FOXJ3: variants seen among roughly 807,000 people sequenced by gnomAD.
FOXJ3 encodes forkhead box protein J3.
Under a neutral mutation model 76.1 loss-of-function variants are expected in FOXJ3, and 22 were observed. The ratio of observed to expected loss-of-function variants is 0.29; its 90% confidence interval spans 0.21 to 0.41. FOXJ3 has a LOEUF of 0.41. FOXJ3 is among the 10% of genes least tolerant of loss of function. FOXJ3 has a pLI of 1.00. For missense variants in FOXJ3, 613 were observed against 762.1 expected (o/e 0.80, Z 2.30); for synonymous variants, 269 against 261.2 (o/e 1.03, Z -0.29).
At chr1:42,309,186 G>A (rs1654654766) in intron 2 of FOXJ3, among the ~76,000 whole-genome samples, 2 of 152,116 alleles carry the variant, frequency 1.3e-5, no homozygotes, top group South Asian at 4.1e-4. Flanking sequence ...TCATGGCTCT[G>A]GCAATTTTGT....
chr1:42,204,925 ATGTATG>A (rs1418045865), intron 6 of FOXJ3, among the ~76,000 whole-genome samples: 2 of 152,122 alleles, frequency 1.3e-5, no homozygotes, highest in Admixed American at 1.3e-4. Flanking sequence ...TAGTGCAATG[ATGTATG>A]TGTATGTGTT....
chr1:42,293,998 T>G (rs904575708), intron 2 of FOXJ3, among the ~76,000 whole-genome samples: 2 of 152,200 alleles, frequency 1.3e-5, no homozygotes, highest in Admixed American at 1.3e-4. Context: ...GTTGCTTTTG[T>G]GGACTCTTGA....
intron 1 of FOXJ3, among the ~76,000 whole-genome samples, chr1:42,318,108 TAC>T (rs969253899): frequency 2.6e-5 from 4 of 152,322 alleles, no homozygotes; most frequent in East Asian, 1.9e-4. Flanking sequence ...CTTTACTTAA[TAC>T]AGTCTTTTGT....
At chr1:42,298,558 T>G (rs1328611790) in intron 2 of FOXJ3, among the ~76,000 whole-genome samples, 1 of 152,130 alleles carries the variant, frequency 6.6e-6, no homozygotes, top group African/African-American at 2.4e-5. Flanking sequence ...CTTTTTTTTT[T>G]CTTGGTTAAC....
chr1:42,298,994 T>A (rs1305718735), intron 2 of FOXJ3, among the ~76,000 whole-genome samples: 1 of 152,204 alleles, frequency 6.6e-6, no homozygotes, highest in African/African-American at 2.4e-5. Context: ...TATTCCACTG[T>A]GCTCCAAAAA....
chr1:42,212,972 C>CAAA (rs34286246), intron 5 of FOXJ3, among the ~76,000 whole-genome samples: 1 of 122,992 alleles, frequency 8.1e-6, no homozygotes, highest in Non-Finnish European at 1.6e-5. Flanking sequence ...AAAAAAAAAA[C>CAAA]AAAAAAAAAA....
intron 4 of FOXJ3, among the ~76,000 whole-genome samples, chr1:42,250,798 CA>C (rs61431089): frequency 0.075 from 1,784 of 23,794 alleles, 4 homozygotes; most frequent in African/African-American, 0.12. Context: ...AACTCCATCT[CA>C]AAAAAAAAAA....
At chr1:42,306,527 C>T (rs2124746708) in intron 2 of FOXJ3, among the ~76,000 whole-genome samples, 1 of 152,152 alleles carries the variant, frequency 6.6e-6, no homozygotes. Flanking sequence ...TGGTCTCGAA[C>T]TCCTGACCTC....
Position 42,191,474 on chromosome 1 carries a change from G to T in FOXJ3, c.1180C>A (p.Pro394Thr). 1 of 1,613,718 alleles carries T rather than the reference G, an allele frequency of 6.2e-7. No homozygotes were observed. Among genetic ancestry groups the T allele is most frequent in the East Asian group, 2.2e-5 (1 of 44,876 alleles). The change falls in exon 9 of 13, where the codon CCG becomes ACG. Residue 394 changes from proline (P) to threonine (T), a missense_variant. Transcript: ENST00000361346. ...GGTGCTGGGTGTGGGGAACGCTGCG[G>T]ATGCTGCGGTAAACCATGCGGTCGA... is the stretch of plus-strand genomic sequence containing the variant. Reference protein sequence around the residue: ...PHRPHGLPQHPQRSPHPAPHP... With the variant: ...PHRPHGLPQHTQRSPHPAPHP...
chr1:42,280,304 G>C (rs7526659), intron 2 of FOXJ3: 724,512 of 981,184 alleles, frequency 0.74, 269,076 homozygotes, highest in Admixed American at 0.8. Context: ...CCAGTAAATT[G>C]AGTCCTCTTG....
chr1:42,183,276 G>A (rs1047553116), intron 11 of FOXJ3, among the ~76,000 whole-genome samples: 1 of 122,376 alleles, frequency 8.2e-6, no homozygotes, highest in Non-Finnish European at 1.7e-5. Context: ...AGAGGAGAGC[G>A]GAGAGGGTGG....
At chr1:42,276,731 A>G (rs1393334857) in intron 3 of FOXJ3, among the ~76,000 whole-genome samples, 1 of 152,224 alleles carries the variant, frequency 6.6e-6, no homozygotes, top group Non-Finnish European at 1.5e-5. Context: ...AAACTTTACA[A>G]TGAAGAAACC....
intron 4 of FOXJ3, among the ~76,000 whole-genome samples, chr1:42,263,816 G>T (rs1487501129): frequency 6.6e-6 from 1 of 151,530 alleles, no homozygotes; most frequent in African/African-American, 2.4e-5. Flanking sequence ...GCAAGCAACT[G>T]GGTCTAAACA....
chr1:42,279,007 C>T (rs1363824049), intron 2 of FOXJ3, among the ~76,000 whole-genome samples: 1 of 152,106 alleles, frequency 6.6e-6, no homozygotes, highest in Admixed American at 6.5e-5. Flanking sequence ...TAAGAAAAAC[C>T]CAGCTGCAGC....
Position 42,211,478 on chromosome 1 carries a change from G to C in FOXJ3, c.529-5615C>G, listed in dbSNP as rs550628807. Among the ~76,000 whole-genome samples, 164 of 152,060 alleles carry C rather than the reference G, an allele frequency of 1.1e-3. 1 individual carries two copies. Among genetic ancestry groups the C allele is most frequent in the African/African-American group, 3.8e-3 (159 of 41,454 alleles). On this transcript the variant is annotated intron_variant, in intron 5 of 12. Transcript: ENST00000361346. ...CTTCCTTCCCCTTGAGAAGACCTCA[G>C]TGCATTTCACCGAGAGCTTCCCTAG...
intron 1 of FOXJ3, among the ~76,000 whole-genome samples, chr1:42,329,821 A>G (rs1656050368): frequency 6.6e-6 from 1 of 152,244 alleles, no homozygotes; most frequent in South Asian, 2.1e-4. Context: ...CTGTTTCCCC[A>G]ACTACATTCA....
At chr1:42,300,769 C>A (rs575084090) in intron 2 of FOXJ3, among the ~76,000 whole-genome samples, 1 of 152,186 alleles carries the variant, frequency 6.6e-6, no homozygotes, top group South Asian at 2.1e-4. Flanking sequence ...CAGACTGAGA[C>A]CCTGTCCAAA....
intron 3 of FOXJ3, among the ~76,000 whole-genome samples, chr1:42,269,138 T>A (rs1347995091): frequency 6.6e-6 from 1 of 152,146 alleles, no homozygotes; most frequent in Non-Finnish European, 1.5e-5. Context: ...TAGTAAACCC[T>A]AGAGTAATCA....
chr1:42,232,081 G>C (rs1648193582), intron 4 of FOXJ3, among the ~76,000 whole-genome samples: 1 of 152,206 alleles, frequency 6.6e-6, no homozygotes, highest in African/African-American at 2.4e-5. Context: ...AGTTTGCTGA[G>C]AATGATGGTT....
Sources: gnomAD v4.1 joint callset for allele counts (sites outside exome capture counted in the v4.1 genomes callset) on GRCh38, gnomAD v4.1.1 for gene constraint, MANE v1.5 for transcripts, NCBI Gene and HGNC (gene_info 2026-07-23, HGNC 2026-07-21) for gene names.